Variants in BMS1 observed in about 807,000 individuals in gnomAD.
BMS1 encodes the protein BMS1 ribosome biogenesis factor.
Under a neutral mutation model 138.7 loss-of-function variants are expected in BMS1, and 53 were observed. That is an observed-to-expected ratio of 0.38 (90% confidence interval 0.31 to 0.48). The LOEUF is 0.48. BMS1 is among the 20% of genes least tolerant of loss of function. The probability of loss-of-function intolerance (pLI) is 0.97; values close to 1 mark genes in which losing one functional copy is unlikely to be tolerated. For synonymous variants in BMS1, 504 were observed against 539.9 expected, an observed-to-expected ratio of 0.93 and a Z score of 0.92; for missense variants, 1,360 against 1,565.5, an observed-to-expected ratio of 0.87 and a Z score of 2.22.
intron 14 of BMS1, among the ~76,000 whole-genome samples, chr10:42,816,958 A>C (rs1409164982): frequency 6.6e-5 from 10 of 152,188 alleles, no homozygotes; most frequent in African/African-American, 2.4e-4. Context: ...CATTGGCATC[A>C]TTCTCCTTTT....
At chr10:42,791,035 G>T (rs1293523041) in intron 5 of BMS1, among the ~76,000 whole-genome samples, 1 of 151,824 alleles carries the variant, frequency 6.6e-6, no homozygotes. Flanking sequence ...ATTCTTTTGT[G>T]TGTGTGTTCA....
At chr10:42,796,368 C>G (rs1264075239) in intron 9 of BMS1, 106 bp from the exon 10 acceptor site, 2 of 1,275,396 alleles carry the variant, frequency 1.6e-6, no homozygotes, top group African/African-American at 3.0e-5. Context: ...TTAAACAATT[C>G]CTTGACATTT....
chr10:42,809,414 C>CT (rs35323545), intron 13 of BMS1, among the ~76,000 whole-genome samples: 55,485 of 148,928 alleles, frequency 0.37, 10,837 homozygotes, highest in East Asian at 0.63. Context: ...GCTTTTCCTT[C>CT]TTTTTTTTTT....
intron 4 of BMS1, 72 bp from the exon 5 acceptor site, chr10:42,790,251 C>G (rs1841458905): frequency 6.6e-7 from 1 of 1,506,282 alleles, no homozygotes; most frequent in Non-Finnish European, 9.1e-7. Context: ...TTGCCCGTGG[C>G]CAGTTGCCAA....
chr10:42,812,064 T>C (rs1206240932), intron 13 of BMS1, among the ~76,000 whole-genome samples: 1 of 152,206 alleles, frequency 6.6e-6, no homozygotes, highest in Non-Finnish European at 1.5e-5. Context: ...TCTATTGACT[T>C]TAAAAATGTG....
In BMS1 at chr10:42,817,351, A is replaced by G. The variant is rs951430832; in HGVS notation, c.2437A>G (p.Ile813Val). 11 of 1,606,458 alleles carry G rather than the reference A, an allele frequency of 6.8e-6. No homozygotes were observed. Among genetic ancestry groups the G allele is most frequent in the Admixed American group, 1.7e-5 (1 of 58,560 alleles). The change falls in exon 15 of 23, where the codon ATT (isoleucine) becomes GTT (valine). Residue 813 changes from isoleucine to valine, a missense_variant. By Grantham distance (29) the Ile-to-Val change is conservative. Around this residue, in one of 3 missense-constraint regions of BMS1, gnomAD observed 697 missense variants for 686.2 expected, o/e 1.02. Coordinates refer to ENST00000374518, the MANE Select transcript of BMS1 (RefSeq NM_014753.4). ...TATAGAGAAAGAAGTTAAGGAAGAA[A>G]TTGACCCCGACGAAGAAGAAAGTGC... ...EDIEKEVKEE[I>V]DPDEEESAKK...
Position 42,831,276 on chromosome 10 carries a change from A to C in BMS1, c.*180A>C, listed in dbSNP as rs1221412261. ...GGCTGCTGGGACTGGGTTCATTCTCATGACTTGGGGCTGTCGAGATTTAAA... is the reference window on the plus strand; with the variant it reads ...GGCTGCTGGGACTGGGTTCATTCTCCTGACTTGGGGCTGTCGAGATTTAAA... On this transcript the variant is annotated 3_prime_UTR_variant, in exon 23 of 23. Transcript: ENST00000374518. 33 of 645,302 alleles carry C rather than the reference A, an allele frequency of 5.1e-5. No homozygotes were observed. The highest frequency in any genetic ancestry group is 8.5e-5 in the Non-Finnish European group (32 of 376,182). 40.0% of individuals were successfully genotyped at this position (645,302 alleles called of 1,614,324 possible). A position where few individuals can be genotyped will look rare whatever the true frequency, so the allele number is the denominator to read the frequency against.
chr10:42,793,142 C>A lies in BMS1; in HGVS notation c.1087C>A (p.Gln363Lys), dbSNP rs1404262498. 1.2e-6 allele frequency: 2 copies of A among 1,604,854 alleles called. No individual in the cohort carries two copies. The highest frequency in any genetic ancestry group is 2.2e-5 in the South Asian group (2 of 89,212). Residue 363 changes from glutamine (Q) to lysine (K), a missense_variant and splice_region_variant, in exon 8 of 23, where the codon CAG (glutamine) becomes AAG (lysine). By Grantham distance (53) the Gln-to-Lys change is moderately conservative. Around this residue, in one of 3 missense-constraint regions of BMS1, gnomAD observed 697 missense variants for 686.2 expected, o/e 1.02. Transcript: ENST00000374518. The stretch of plus-strand genomic sequence containing the variant: ...TGACCTTGGTGGCAGCCACGTTTTT[C>A]AGGTATCGGTGAGACGGGAGTCATT... ...YVDLGGSHVF[Q>K]DEVGPTHELV...
intron 12 of BMS1, among the ~76,000 whole-genome samples, chr10:42,800,881 G>T (rs1000342909): frequency 1.3e-5 from 2 of 152,132 alleles, no homozygotes; most frequent in African/African-American, 4.8e-5. Context: ...ATACTTGTTT[G>T]TAAGTTTCAC....
Position 42,792,551 on chromosome 10 carries a change from G to T in BMS1, c.838G>T (p.Val280Leu), listed in dbSNP as rs772382821. Residue 280 changes from valine to leucine, a missense_variant, in exon 7 of 23, where the codon GTG becomes TTG. By Grantham distance (32) the Val-to-Leu change is conservative. Coordinates refer to ENST00000374518, the MANE Select transcript of BMS1 (RefSeq NM_014753.4). ...AACAAACATCAAATGTGACCGGAAG[G>T]TGTCACTTTATGGTTATTTAAGAGG... ...IRTNIKCDRK[V>L]SLYGYLRGAH... 3.7e-6 allele frequency: 6 copies of T among 1,611,618 alleles called. No homozygotes were observed. Among genetic ancestry groups the T allele is most frequent in the Admixed American group, 1.7e-5 (1 of 60,016 alleles).
rs1434200295 is a variant in BMS1 at position 42,820,325 on chromosome 10, T to A, written c.2670T>A (p.Ile890=). 1.2e-6 allele frequency: 2 copies of A among 1,613,684 alleles called. No individual in the cohort carries two copies. The highest frequency in any genetic ancestry group is 2.7e-5 in the African/African-American group (2 of 74,884). ...CTGGGATGTACGTCCGCATTGAGAT[T>A]GAAAATGTTCCCTGTGAATTTGTGC... ...FRPGMYVRIE[I]ENVPCEFVQN... is the part of the protein sequence containing the mutation. Residue 890 remains isoleucine (I), a synonymous_variant, in exon 16 of 23, where the codon ATT becomes ATA. Coordinates refer to ENST00000374518, the MANE Select transcript of BMS1 (RefSeq NM_014753.4).
chr10:42,803,719 A>G (rs2132334609), intron 13 of BMS1, among the ~76,000 whole-genome samples: 1 of 152,310 alleles, frequency 6.6e-6, no homozygotes, highest in Middle Eastern at 3.4e-3. Context: ...TCTGTTTTCA[A>G]AAGAAAGTGT....
At position 42,820,244 on chromosome 10, in the gene BMS1, C is replaced by T. The variant is rs145515531; in HGVS notation, c.2589C>T (p.Arg863=). ...GEMQKQAQLN[R]AEFEDQDDEA... ...TTCCCCATCATGTACAGCTGAATCGCGCAGAATTTGAAGATCAAGATGATG... is the reference window on the plus strand; with the variant it reads ...TTCCCCATCATGTACAGCTGAATCGTGCAGAATTTGAAGATCAAGATGATG... The change falls in exon 16 of 23, where the codon CGC becomes CGT. Residue 863 remains arginine, a synonymous_variant. Coordinates refer to ENST00000374518, the MANE Select transcript of BMS1 (RefSeq NM_014753.4). The T allele has an allele frequency of 9.0e-3, 14,457 of 1,611,340 alleles. 109 individuals are homozygous for T. The highest frequency in any genetic ancestry group is 0.014 in the Middle Eastern group (86 of 6,056).
rs189879422 is a variant in BMS1, at chr10:42,827,321, G to A, written c.3457-2940G>A. ...AACCTTTTTTATAAAATAAGTTACC[G>A]AGTCTCAGGTATTCTGTTACAGCCA... On this transcript the variant is annotated intron_variant, in intron 21 of 22. Transcript: ENST00000374518. Among the ~76,000 whole-genome samples, 7 of 152,262 alleles carry A rather than the reference G, an allele frequency of 4.6e-5. No homozygotes were observed. The East Asian group carries it at 1.4e-3, about 29-fold the overall frequency.
chr10:42,785,148 C>T (rs73252889), intron 2 of BMS1, among the ~76,000 whole-genome samples: 11,963 of 152,160 alleles, frequency 0.079, 748 homozygotes, highest in African/African-American at 0.16. Context: ...TGTACTGCCT[C>T]GCTATTTACC....
chr10:42,786,205 A>G (rs879511297), intron 3 of BMS1, among the ~76,000 whole-genome samples: 11 of 152,232 alleles, frequency 7.2e-5, no homozygotes, highest in Admixed American at 1.3e-4. Context: ...TGCCAGGTGC[A>G]TATGCTTGCC....
In BMS1 at chr10:42,802,197, G is replaced by C. The variant is rs1198176829; in HGVS notation, c.2308G>C (p.Ala770Pro). The stretch of plus-strand genomic sequence containing the variant: ...AAAGTGGGAAGATGATAAAGATGCA[G>C]CCAAGGTCTTAGCAGAAGATGGTAA... Reference protein sequence around the residue: ...TGKWEDDKDAAKVLAEDEELY... With the variant: ...TGKWEDDKDAPKVLAEDEELY... Residue 770 changes from alanine (A) to proline (P), a missense_variant, in exon 13 of 23, where the codon GCC becomes CCC. Transcript: ENST00000374518. The C allele has an allele frequency of 1.2e-6, 2 of 1,613,344 alleles. No homozygotes were observed. Among genetic ancestry groups the C allele is most frequent in the Non-Finnish European group, 1.7e-6 (2 of 1,179,660 alleles).
intron 21 of BMS1, among the ~76,000 whole-genome samples, chr10:42,828,478 A>G (rs943106716): frequency 3.9e-5 from 6 of 152,182 alleles, no homozygotes; most frequent in African/African-American, 1.4e-4. Flanking sequence ...TGGAGACTCC[A>G]GGGCACCTGT....
chr10:42,783,030 C>T (rs1427407610), intron 1 of BMS1, among the ~76,000 whole-genome samples, 200 bp downstream of exon 1: 1 of 151,992 alleles, frequency 6.6e-6, no homozygotes, highest in Non-Finnish European at 1.5e-5. Flanking sequence ...TGCAGAGAGC[C>T]CAGACGGGGA....
Sources: gnomAD v4.1 joint callset for allele counts (sites outside exome capture counted in the v4.1 genomes callset) on GRCh38, gnomAD v4.1.1 for gene constraint, gnomAD v4.1.1 regional missense constraint, MANE v1.5 for transcripts, NCBI Gene and HGNC (gene_info 2026-07-23, HGNC 2026-07-21) for gene names.